The following SDK1 variants were observed in gnomAD, a reference collection of about 807,000 sequenced individuals.
The protein encoded by SDK1 is protein sidekick-1.
A neutral mutation model predicts 245.5 loss-of-function variants in SDK1; 157 were observed. The ratio of observed to expected loss-of-function variants is 0.64; its 90% CI spans 0.56 to 0.73. The LOEUF is 0.73. Among genes scored for constraint, SDK1 ranks in the 30% least tolerant of loss-of-function variants. SDK1 has a pLI of 0.00. For missense variants in SDK1, 3,583 were observed against 3,002.3 expected, an observed-to-expected ratio of 1.19 and a Z score of -4.52; for synonymous variants, 1,647 against 1,278.5, an observed-to-expected ratio of 1.29 and a Z score of -6.15.
rs529627020 is a variant in SDK1, at chr7:4,079,511, G to T, written c.3251G>T (p.Arg1084Leu). Reference protein sequence around the residue: ...SNLVISNISPRSATLQFRPGY... With the variant: ...SNLVISNISPLSATLQFRPGY... ...CTGGTCATTTCCAACATCAGCCCTC[G>T]CTCCGCCACCCTTCAGTTCCGGCCA... The change falls in exon 22 of 45, where the codon CGC becomes CTC. Residue 1084 changes from arginine to leucine, a missense_variant. Arg to Leu is a moderately radical substitution (Grantham distance 102). Transcript: ENST00000404826. 1 of 1,614,156 alleles carries T rather than the reference G, an allele frequency of 6.2e-7. No individual in the cohort carries two copies. Among genetic ancestry groups the T allele is most frequent in the Non-Finnish European group, 8.5e-7 (1 of 1,180,038 alleles).
chr7:3,335,129 T>C (rs1383402903), intron 1 of SDK1, among the ~76,000 whole-genome samples: 1 of 152,216 alleles, frequency 6.6e-6, no homozygotes, highest in Non-Finnish European at 1.5e-5. Context: ...TTATAAATGG[T>C]GGCCCTAACT....
At chr7:3,453,448 G>A (rs1431407702) in intron 1 of SDK1, among the ~76,000 whole-genome samples, 1 of 152,150 alleles carries the variant, frequency 6.6e-6, no homozygotes, top group Non-Finnish European at 1.5e-5. Flanking sequence ...ATCTTGAGAT[G>A]AAGAGATTAT....
intron 4 of SDK1, among the ~76,000 whole-genome samples, chr7:3,677,239 A>T (rs185370291): frequency 1.8e-4 from 28 of 152,142 alleles, no homozygotes; most frequent in African/African-American, 6.7e-4. Context: ...TGTGTACACT[A>T]TTTTTATTTA....
At chr7:3,383,778 G>A (rs1274017448) in intron 1 of SDK1, among the ~76,000 whole-genome samples, 1 of 152,152 alleles carries the variant, frequency 6.6e-6, no homozygotes, top group African/African-American at 2.4e-5. Context: ...CCTATTAAAT[G>A]CCAGTATCAT....
At chr7:4,067,011 C>T (rs1409638819) in intron 19 of SDK1, among the ~76,000 whole-genome samples, 4 of 152,360 alleles carry the variant, frequency 2.6e-5, no homozygotes, top group Middle Eastern at 3.4e-3. Context: ...ATCATCATGA[C>T]AGCGGCTGAT....
chr7:3,903,438 G>A (rs755424938), intron 5 of SDK1, among the ~76,000 whole-genome samples: 10 of 152,184 alleles, frequency 6.6e-5, no homozygotes, highest in South Asian at 6.2e-4. Context: ...GAGCCACCGC[G>A]CCCGGCCGAC....
chr7:4,243,271 A>C (rs1786641791), intron 43 of SDK1, among the ~76,000 whole-genome samples: 1 of 152,228 alleles, frequency 6.6e-6, no homozygotes, highest in African/African-American at 2.4e-5. Context: ...GGAAAGAGAA[A>C]CATCATTTGA....
chr7:3,937,475 C>G (rs1170476578), intron 5 of SDK1, among the ~76,000 whole-genome samples: 1 of 152,232 alleles, frequency 6.6e-6, no homozygotes, highest in East Asian at 1.9e-4. Context: ...CACCGCTCTT[C>G]TTAAACACTG....
intron 25 of SDK1, among the ~76,000 whole-genome samples, chr7:4,126,979 C>G (rs572011999): frequency 6.6e-6 from 1 of 152,184 alleles, no homozygotes; most frequent in East Asian, 1.9e-4. Context: ...TAAATCCTCA[C>G]GCCCCCTTCT....
chr7:3,364,746 T>G (rs1053180287), intron 1 of SDK1, among the ~76,000 whole-genome samples: 17 of 152,206 alleles, frequency 1.1e-4, no homozygotes, highest in Non-Finnish European at 2.1e-4. Context: ...CAAAATTGTT[T>G]CTGGTTATTC....
At chr7:3,533,364 C>T (rs569580166) in intron 1 of SDK1, among the ~76,000 whole-genome samples, 2 of 152,266 alleles carry the variant, frequency 1.3e-5, no homozygotes, top group Admixed American at 6.5e-5. Flanking sequence ...ACACTGATTA[C>T]TCATGAAAAG....
chr7:4,125,033 A>C (rs1170422179), intron 25 of SDK1, among the ~76,000 whole-genome samples: 1 of 137,316 alleles, frequency 7.3e-6, no homozygotes, highest in Non-Finnish European at 1.6e-5. Flanking sequence ...TGGATGGATG[A>C]ATGAATAGAT....
intron 1 of SDK1, among the ~76,000 whole-genome samples, chr7:3,380,855 A>G (rs1781469026): frequency 6.6e-6 from 1 of 152,042 alleles, no homozygotes; most frequent in Non-Finnish European, 1.5e-5. Context: ...CAAAGAAACC[A>G]CCCCCATTAG....
chr7:4,032,940 A>G (rs947990663), intron 17 of SDK1, among the ~76,000 whole-genome samples: 3 of 152,168 alleles, frequency 2.0e-5, no homozygotes, highest in Admixed American at 6.6e-5. Flanking sequence ...ATAATAACAG[A>G]TTTTTTTCTG....
chr7:3,456,930 G>A (rs1423663950), intron 1 of SDK1, among the ~76,000 whole-genome samples: 3 of 152,154 alleles, frequency 2.0e-5, no homozygotes, highest in Admixed American at 6.5e-5. Flanking sequence ...TAGAGCGTTT[G>A]TCTTGCTGTT....
At chr7:4,107,490 C>CTT (rs891675625) in intron 22 of SDK1, among the ~76,000 whole-genome samples, 2 of 148,892 alleles carry the variant, frequency 1.3e-5, no homozygotes, top group African/African-American at 2.5e-5. Context: ...CTTTCTTCTT[C>CTT]TTTTTTTTTT....
chr7:3,382,625 A>T (rs972859555), intron 1 of SDK1, among the ~76,000 whole-genome samples: 1 of 152,176 alleles, frequency 6.6e-6, no homozygotes, highest in African/African-American at 2.4e-5. Flanking sequence ...TTAAAAAATC[A>T]TGTTTTTGAA....
chr7:4,267,220 T>C lies in SDK1; in HGVS notation c.*1836T>C, dbSNP rs1788522627. 1 of 893,090 alleles carries C rather than the reference T, an allele frequency of 1.1e-6. No individual in the cohort carries two copies. The allele number at this position is 893,090 out of a possible 1,614,324, so 55.3% of individuals were successfully genotyped here. A position where few individuals can be genotyped will look rare whatever the true frequency, so the allele number is the denominator to read the frequency against. On this transcript the variant is annotated 3_prime_UTR_variant, in exon 45 of 45. Transcript: ENST00000404826. ...TCCTTTCCTTTACCCCTCCTTTCCT[T>C]CCTTCCTCCCTTCCTCTCTTCTTTC...
chr7:3,904,512 G>A (rs1196969407), intron 5 of SDK1, among the ~76,000 whole-genome samples: 1 of 151,908 alleles, frequency 6.6e-6, no homozygotes, highest in Non-Finnish European at 1.5e-5. Context: ...TGAGCAGCAG[G>A]GCAAGACCCT....
Sources: allele counts gnomAD v4.1 joint callset (sites outside exome capture counted in the v4.1 genomes callset), GRCh38; gene constraint gnomAD v4.1.1; transcripts MANE v1.5; gene names NCBI Gene and HGNC (gene_info 2026-07-23, HGNC 2026-07-21).